KDM4B: variants seen among roughly 807,000 people sequenced by gnomAD.
KDM4B encodes lysine demethylase 4B, also known as lysine-specific demethylase 4B.
A neutral mutation model predicts 125.2 loss-of-function variants in KDM4B; 32 were observed. The ratio of observed to expected loss-of-function variants is 0.26; its 90% CI spans 0.19 to 0.34. The LOEUF (loss-of-function observed/expected upper bound fraction) is 0.34. Among genes scored for constraint, KDM4B ranks in the 10% least tolerant of loss-of-function variants. KDM4B has a pLI of 1.00. For synonymous variants in KDM4B, 721 were observed against 677.9 expected, an observed-to-expected ratio of 1.06 and a Z score of -0.99; for missense variants, 1,190 against 1,577.7, an observed-to-expected ratio of 0.75 and a Z score of 4.16.
intron 2 of KDM4B, among the ~76,000 whole-genome samples, chr19:5,017,842 G>A (rs998268591): frequency 1.3e-5 from 2 of 151,816 alleles, no homozygotes; most frequent in Middle Eastern, 3.2e-3. Context: ...CCGGGTTCAC[G>A]CCATTCTCCT....
chr19:5,047,576 A>G lies in KDM4B; in HGVS notation c.533A>G (p.Tyr178Cys). The G allele has an allele frequency of 6.2e-7, 1 of 1,614,000 alleles. No homozygotes were observed. Among genetic ancestry groups the G allele is most frequent in the Non-Finnish European group, 8.5e-7 (1 of 1,179,926 alleles). Residue 178 changes from tyrosine to cysteine, a missense_variant, in exon 6 of 23, where the codon TAC (tyrosine) becomes TGC (cysteine). By Grantham distance (194) the Tyr-to-Cys change is radical. Coordinates refer to ENST00000159111, the MANE Select transcript of KDM4B (RefSeq NM_015015.3). ...GAGGGCGTGAACACGCCCTACCTGTACTTCGGCATGTGGAAGACCACCTTC... is the reference window on the plus strand; with the variant it reads ...GAGGGCGTGAACACGCCCTACCTGTGCTTCGGCATGTGGAAGACCACCTTC... ...IIEGVNTPYLYFGMWKTTFAW... is the reference protein window; with the variant it reads ...IIEGVNTPYLCFGMWKTTFAW...
At chr19:5,061,191 C>T (rs980565960) in intron 6 of KDM4B, among the ~76,000 whole-genome samples, 3 of 152,210 alleles carry the variant, frequency 2.0e-5, no homozygotes, top group Non-Finnish European at 4.4e-5. Context: ...GCTCTGTCTC[C>T]TCCGCCTGCT....
rs2034260006 is a variant in KDM4B, at chr19:4,971,560, C to T, written c.-109+2330C>T. ...GGGACGTGCCTTGGGGTCATGCGTT[C>T]ACCTGGTCTGGGGCTGCTAGGTTTC... On this transcript the variant is annotated intron_variant, in intron 1 of 22. Transcript: ENST00000159111. The surrounding 1 kb of genome is among the most constrained non-coding windows in gnomAD (Gnocchi z 4.1). Among the ~76,000 whole-genome samples, 1 of 152,192 alleles carries T rather than the reference C, an allele frequency of 6.6e-6. No individual in the cohort carries two copies. Among genetic ancestry groups the T allele is most frequent in the Non-Finnish European group, 1.5e-5 (1 of 68,032 alleles).
intron 9 of KDM4B, among the ~76,000 whole-genome samples, chr19:5,088,675 C>CCCCCA (rs1555710941): frequency 1.4e-5 from 2 of 146,460 alleles, no homozygotes; most frequent in Non-Finnish European, 3.0e-5. Flanking sequence ...TCCCCCCCCC[C>CCCCCA]GCAAAAGAGC....
At chr19:4,984,354 C>T (rs576400808) in intron 1 of KDM4B, among the ~76,000 whole-genome samples, 4 of 152,290 alleles carry the variant, frequency 2.6e-5, no homozygotes, top group South Asian at 2.1e-4. Context: ...TGCTGCTCTT[C>T]GTGTTTGTGC....
At chr19:5,079,348 CAG>C (rs1222930302) in intron 8 of KDM4B, among the ~76,000 whole-genome samples, 9 of 152,326 alleles carry the variant, frequency 5.9e-5, no homozygotes, top group South Asian at 2.1e-4. Flanking sequence ...AGCAGTGACA[CAG>C]GGGACAGACA....
chr19:5,053,825 C>T (rs1013940600), intron 6 of KDM4B, among the ~76,000 whole-genome samples: 13 of 152,252 alleles, frequency 8.5e-5, no homozygotes, highest in Non-Finnish European at 1.5e-4. Flanking sequence ...GCCACTACCC[C>T]CCAGCAGCGC....
intron 9 of KDM4B, among the ~76,000 whole-genome samples, chr19:5,091,781 G>A (rs910121365): frequency 5.3e-5 from 8 of 152,120 alleles, no homozygotes; most frequent in Non-Finnish European, 1.2e-4. Flanking sequence ...GAGGGCCCAC[G>A]GAGGTGCGGG....
intron 1 of KDM4B, among the ~76,000 whole-genome samples, chr19:4,977,489 G>A (rs183008156): frequency 3.9e-4 from 60 of 152,264 alleles, no homozygotes; most frequent in African/African-American, 9.1e-4. Flanking sequence ...TAGACCTCCC[G>A]TCAGCATTCA....
intron 16 of KDM4B, 102 bp downstream of exon 16, chr19:5,137,440 G>A: frequency 1.6e-6 from 2 of 1,277,738 alleles, no homozygotes; most frequent in South Asian, 2.6e-5. Context: ...CCGTGGGCCT[G>A]GGTTCCTTCA....
chr19:5,008,799 C>T (rs978880174), intron 1 of KDM4B, among the ~76,000 whole-genome samples: 1 of 149,690 alleles, frequency 6.7e-6, no homozygotes, highest in Non-Finnish European at 1.5e-5. Flanking sequence ...GACAGGTTTT[C>T]ACCATACTGG....
chr19:5,109,555 G>A (rs778882311), intron 9 of KDM4B, among the ~76,000 whole-genome samples: 6 of 152,150 alleles, frequency 3.9e-5, no homozygotes, highest in Non-Finnish European at 2.9e-5. Context: ...CTCGCTTGAC[G>A]TTCCCAAACA....
Position 5,132,429 on chromosome 19 carries a change from G to A in KDM4B, c.1906+422G>A, listed in dbSNP as rs1454764755. On this transcript the variant is annotated intron_variant, in intron 13 of 22. Transcript: ENST00000159111. ...GCCGAGAGCTGCTGTCTTGTGTGCAGAAGTCCTGCTAAGCCAGTTTTTCAA... is the reference window on the plus strand; with the variant it reads ...GCCGAGAGCTGCTGTCTTGTGTGCAAAAGTCCTGCTAAGCCAGTTTTTCAA... Among the ~76,000 whole-genome samples, 3 of 152,208 alleles carry A rather than the reference G, an allele frequency of 2.0e-5. No individual in the cohort carries two copies. In the East Asian group the frequency reaches 5.8e-4, roughly 29 times the overall value.
At chr19:5,098,086 G>A (rs1426349832) in intron 9 of KDM4B, among the ~76,000 whole-genome samples, 5 of 152,244 alleles carry the variant, frequency 3.3e-5, no homozygotes, top group African/African-American at 1.2e-4. Context: ...GGCAGAGGCA[G>A]ACACAGCCCC....
chr19:5,140,305 C>T (rs2039718473), intron 18 of KDM4B: 1 of 152,592 alleles, frequency 6.6e-6, no homozygotes, highest in Non-Finnish European at 1.5e-5. Context: ...GGGCTGCAGC[C>T]CTGCAGGGCT....
chr19:5,150,533 C>G, intron 22 of KDM4B, 83 bp downstream of exon 22: 1 of 1,009,220 alleles, frequency 9.9e-7, no homozygotes, highest in Non-Finnish European at 1.5e-6. Flanking sequence ...CTGCGTCTTC[C>G]AATGGCGTGG....
At chr19:5,121,976 C>G (rs1367649112) in intron 11 of KDM4B, among the ~76,000 whole-genome samples, 1 of 152,068 alleles carries the variant, frequency 6.6e-6, no homozygotes, top group Non-Finnish European at 1.5e-5. Context: ...CCTCAGTCCC[C>G]TCCCTCCCCC....
At position 4,997,186 on chromosome 19, in the gene KDM4B, G is replaced by A. The variant is rs2035228670; in HGVS notation, c.-108-19071G>A. The stretch of plus-strand genomic sequence containing the variant: ...CCCCTGTTTTGGAATAACCCTTTCT[G>A]TACCCGGGCTATTACCACCCTATTG... On this transcript the variant is annotated intron_variant, in intron 1 of 22. Transcript: ENST00000159111. This position sits in a 1 kb window ranked among gnomAD's most constrained non-coding sequence, Gnocchi z 4.2. Among the ~76,000 whole-genome samples the A allele has an allele frequency of 6.6e-6, 1 of 152,208 alleles. No homozygotes were observed. Among genetic ancestry groups the A allele is most frequent in the African/African-American group, 2.4e-5 (1 of 41,442 alleles).
intron 9 of KDM4B, among the ~76,000 whole-genome samples, chr19:5,098,653 T>C (rs2038873966): frequency 1.3e-5 from 2 of 152,042 alleles, no homozygotes; most frequent in Admixed American, 1.3e-4. Flanking sequence ...AGGGTGATGG[T>C]ATTAAGAGAT....
Sources: allele counts gnomAD v4.1 joint callset (sites outside exome capture counted in the v4.1 genomes callset), GRCh38; gene constraint gnomAD v4.1.1; non-coding constraint Gnocchi (gnomAD v3.1); transcripts MANE v1.5; gene names NCBI Gene and HGNC (gene_info 2026-07-23, HGNC 2026-07-21).